Variants in PHACTR3 observed in about 807,000 individuals in gnomAD.
PHACTR3 encodes the protein protein phosphatase 1, regulatory subunit 123.
A neutral mutation model predicts 66.8 loss-of-function variants in PHACTR3; 16 were observed. The observed-to-expected ratio is 0.24, with a 90% CI of 0.16 to 0.36. The LOEUF is 0.36. Among genes scored for constraint, PHACTR3 ranks in the 10% least tolerant of loss-of-function variants. The pLI is 1.00. For synonymous variants in PHACTR3, 323 were observed against 292.1 expected, an observed-to-expected ratio of 1.11 and a Z score of -1.08; for missense variants, 647 against 719.9, an observed-to-expected ratio of 0.90 and a Z score of 1.16.
chr20:59,810,492 T>A (rs2041702915), intron 8 of PHACTR3, among the ~76,000 whole-genome samples: 2 of 152,220 alleles, frequency 1.3e-5, no homozygotes, highest in African/African-American at 4.8e-5. Context: ...GTGGCTTAAT[T>A]GGTCTCCCTT....
At chr20:59,760,962 C>T (rs148018906) in intron 4 of PHACTR3, among the ~76,000 whole-genome samples, 1 of 152,190 alleles carries the variant, frequency 6.6e-6, no homozygotes, top group Non-Finnish European at 1.5e-5. Flanking sequence ...GTCACTTTCC[C>T]AGGCCATAGA....
chr20:59,628,827 G>GT (rs1478670253), intron 1 of PHACTR3: 3 of 984,850 alleles, frequency 3.0e-6, no homozygotes, highest in Non-Finnish European at 3.6e-6. Flanking sequence ...GTTAGATCTT[G>GT]TTTTTTGTTT....
intron 8 of PHACTR3, among the ~76,000 whole-genome samples, chr20:59,827,304 G>A (rs1600726887): frequency 6.6e-6 from 1 of 152,126 alleles, no homozygotes; most frequent in Non-Finnish European, 1.5e-5. Context: ...GATTGGAGGC[G>A]AGACCCCTCC....
chr20:59,584,363 TTGTG>T lies in PHACTR3; in HGVS notation c.109+6753_109+6756del, dbSNP rs954945687. Among the ~76,000 whole-genome samples the T allele has an allele frequency of 1.1e-4, 17 of 150,464 alleles. 1 individual carries two copies. The highest frequency in any genetic ancestry group is 9.9e-4 in the Admixed American group (15 of 15,126). ...AGTGCATGTGCCTGTGTGTGCGTGA[TTGTG>T]TGTGTGCGTGTGAGGGTTGAGGCTG... is the stretch of plus-strand genomic sequence containing the variant. On this transcript the variant is annotated intron_variant, in intron 1 of 12. Transcript: ENST00000359926.
At chr20:59,725,712 C>T (rs2038537316) in intron 1 of PHACTR3, among the ~76,000 whole-genome samples, 2 of 152,194 alleles carry the variant, frequency 1.3e-5, no homozygotes, top group African/African-American at 4.8e-5. Flanking sequence ...GGGGCAGTTG[C>T]AGCCTGACCC....
intron 1 of PHACTR3, among the ~76,000 whole-genome samples, chr20:59,659,413 A>G (rs2035738256): frequency 8.3e-6 from 1 of 120,968 alleles, no homozygotes; most frequent in Non-Finnish European, 1.6e-5. Flanking sequence ...TCGCTCTGTC[A>G]CCAGGCTGGA....
chr20:59,694,835 G>T (rs1601123543), intron 1 of PHACTR3, among the ~76,000 whole-genome samples: 1 of 152,142 alleles, frequency 6.6e-6, no homozygotes, highest in Non-Finnish European at 1.5e-5. Context: ...AAATGCTGTG[G>T]GTCCAAGGAG....
At position 59,725,904 on chromosome 20, in the gene PHACTR3, G is replaced by C. The variant is rs185500251; in HGVS notation, c.119-17203G>C. ...GGCAAAAGCACATGGGAGCTGGGAG[G>C]CTCCACAGCCTTGGACTGGAGGGGT... On this transcript the variant is annotated intron_variant, in intron 1 of 12. Coordinates refer to ENST00000371015, the MANE Select transcript of PHACTR3 (RefSeq NM_080672.5). Among the ~76,000 whole-genome samples, 47 of 152,312 alleles carry C rather than the reference G, an allele frequency of 3.1e-4. 1 individual carries two copies. The highest frequency in any genetic ancestry group is 5.9e-4 in the Admixed American group (9 of 15,304).
chr20:59,600,827 C>T (rs761658106), upstream of PHACTR3, among the ~76,000 whole-genome samples: 1 of 152,066 alleles, frequency 6.6e-6, no homozygotes, highest in East Asian at 1.9e-4. Flanking sequence ...CGATGAGCTT[C>T]TATCTGATCT....
intron 1 of PHACTR3, among the ~76,000 whole-genome samples, chr20:59,583,246 A>G (rs1160983820): frequency 2.0e-5 from 3 of 152,070 alleles, no homozygotes; most frequent in African/African-American, 7.3e-5. Context: ...TAACCCAGGG[A>G]TCTGTTGATT....
intron 1 of PHACTR3, among the ~76,000 whole-genome samples, chr20:59,735,969 G>A (rs893651309): frequency 1.3e-5 from 2 of 152,134 alleles, no homozygotes; most frequent in Non-Finnish European, 2.9e-5. Flanking sequence ...TCATAGCTCT[G>A]TGTGGCTGTT....
chr20:59,748,658 G>A (rs2146791994), intron 3 of PHACTR3, among the ~76,000 whole-genome samples: 1 of 152,288 alleles, frequency 6.6e-6, no homozygotes, highest in East Asian at 1.9e-4. Context: ...TTCCCTGAGA[G>A]GCTAAATCTT....
At chr20:59,779,223 T>C (rs549349752) in intron 7 of PHACTR3, among the ~76,000 whole-genome samples, 1 of 152,322 alleles carries the variant, frequency 6.6e-6, no homozygotes, top group South Asian at 2.1e-4. Context: ...TGAAATCAAG[T>C]GCAGAAAGCA....
At position 59,745,972 on chromosome 20, in the gene PHACTR3, G is replaced by A. The variant is rs77555756; in HGVS notation, c.281-1786G>A. 5.6e-3 allele frequency among the ~76,000 whole-genome samples: 857 copies of A among 152,330 alleles called. 7 individuals carry two copies. Among genetic ancestry groups the A allele is most frequent in the Non-Finnish European group, 9.8e-3 (668 of 68,030 alleles). On this transcript the variant is annotated intron_variant, in intron 2 of 12. Transcript: ENST00000371015. ...CACCGCCTGGTGCCGGCCTGGGGAC[G>A]GGGTCCACACAGAGCTCGAGGCCTC... is the stretch of plus-strand genomic sequence containing the variant.
chr20:59,817,086 A>C (rs2041907564), intron 8 of PHACTR3, among the ~76,000 whole-genome samples: 1 of 152,244 alleles, frequency 6.6e-6, no homozygotes, highest in Non-Finnish European at 1.5e-5. Flanking sequence ...ATAAGAGTTT[A>C]GTTCAGTACA....
chr20:59,831,110 T>G (rs552623131), intron 8 of PHACTR3, among the ~76,000 whole-genome samples: 1 of 152,250 alleles, frequency 6.6e-6, no homozygotes, highest in African/African-American at 2.4e-5. Flanking sequence ...TACAGATCTG[T>G]CGTGTGAGAG....
intron 1 of PHACTR3, among the ~76,000 whole-genome samples, chr20:59,673,604 G>C (rs904078296): frequency 5.9e-5 from 9 of 152,186 alleles, no homozygotes; most frequent in Middle Eastern, 6.3e-3. Context: ...GGGAAGACAG[G>C]CAGCTGGGAT....
intron 7 of PHACTR3, among the ~76,000 whole-genome samples, chr20:59,790,425 T>TTC (rs1270779914): frequency 6.6e-6 from 1 of 152,208 alleles, no homozygotes; most frequent in African/African-American, 2.4e-5. Flanking sequence ...ATTCTCCCCT[T>TTC]TCTAGGGATC....
chr20:59,746,739 A>T (rs923802543), intron 2 of PHACTR3, among the ~76,000 whole-genome samples: 4 of 152,192 alleles, frequency 2.6e-5, no homozygotes, highest in Non-Finnish European at 4.4e-5. Context: ...CACACAGAAC[A>T]CTGATGGACT....
Sources: gnomAD v4.1 joint callset for allele counts (sites outside exome capture counted in the v4.1 genomes callset) on GRCh38, gnomAD v4.1.1 for gene constraint, MANE v1.5 for transcripts, NCBI Gene and HGNC (gene_info 2026-07-23, HGNC 2026-07-21) for gene names.